The following CNTNAP2 variants were observed in gnomAD, a reference collection of about 807,000 sequenced individuals.
CNTNAP2 encodes contactin-associated protein-like 2.
CNTNAP2 carries 98 observed loss-of-function variants against 155.2 expected under a neutral mutation model. That is an observed-to-expected ratio of 0.63 (90% confidence interval 0.54 to 0.75). CNTNAP2 has a LOEUF of 0.75. CNTNAP2 is among the 30% of genes least tolerant of loss of function. CNTNAP2 has a pLI of 0.00. For synonymous variants in CNTNAP2, 651 were observed against 631.2 expected (o/e 1.03, Z -0.47); for missense variants, 1,727 against 1,688.1 (o/e 1.02, Z -0.40).
chr7:146,600,946 T>C (rs1798941324), intron 1 of CNTNAP2, among the ~76,000 whole-genome samples: 1 of 152,174 alleles, frequency 6.6e-6, no homozygotes, highest in African/African-American at 2.4e-5. Context: ...CAGAATAATC[T>C]GAATAATGAA....
chr7:147,296,223 G>T (rs1335118581), intron 8 of CNTNAP2, among the ~76,000 whole-genome samples: 1 of 152,072 alleles, frequency 6.6e-6, no homozygotes, highest in African/African-American at 2.4e-5. Flanking sequence ...TTCATAGCAG[G>T]GTTTGTCAAA....
intron 8 of CNTNAP2, among the ~76,000 whole-genome samples, chr7:147,147,428 CA>C (rs1397634536): frequency 6.6e-6 from 1 of 152,042 alleles, no homozygotes; most frequent in South Asian, 2.1e-4. Context: ...ACTACTTACA[CA>C]AAAAACCTCT....
rs1011828575 is a variant in CNTNAP2 at position 146,438,655 on chromosome 7, C to G, written c.97+321682C>G. The stretch of plus-strand genomic sequence containing the variant: ...AAGAGTTTCTTTTTAAATAGTTTTC[C>G]AAGTCTTTAATTTAGTTGTTCTTTC... On this transcript the variant is annotated intron_variant, in intron 1 of 23. Transcript: ENST00000361727. Among the ~76,000 whole-genome samples, 56 of 151,074 alleles carry G rather than the reference C, an allele frequency of 3.7e-4. 1 individual carries two copies. Among genetic ancestry groups the G allele is most frequent in the African/African-American group, 1.2e-3 (48 of 40,756 alleles).
intron 22 of CNTNAP2, among the ~76,000 whole-genome samples, chr7:148,403,921 C>T (rs1027645186): frequency 3.9e-5 from 6 of 152,196 alleles, no homozygotes; most frequent in African/African-American, 1.2e-4. Context: ...GATTCCTGAC[C>T]TGAGGATTTT....
chr7:146,295,586 A>G (rs1800501546), intron 1 of CNTNAP2, among the ~76,000 whole-genome samples: 2 of 152,176 alleles, frequency 1.3e-5, no homozygotes, highest in South Asian at 4.1e-4. Context: ...CCATTAAAAT[A>G]TTTTTTCTTG....
chr7:147,724,581 T>A (rs908652773), intron 13 of CNTNAP2, among the ~76,000 whole-genome samples: 39 of 152,022 alleles, frequency 2.6e-4, no homozygotes, highest in African/African-American at 8.7e-4. Context: ...AGAGCTTCAG[T>A]GGGATTGAAA....
chr7:147,926,364 A>G (rs117222078), intron 14 of CNTNAP2, among the ~76,000 whole-genome samples: 241 of 152,358 alleles, frequency 1.6e-3, no homozygotes, highest in Middle Eastern at 3.4e-3. Context: ...TTATAATAGA[A>G]GTATGATGAA....
chr7:146,904,532 C>T (rs576006205), intron 3 of CNTNAP2, among the ~76,000 whole-genome samples: 15 of 152,106 alleles, frequency 9.9e-5, no homozygotes, highest in African/African-American at 2.4e-4. Context: ...AGCACAGTGG[C>T]GCGATCTCGG....
intron 1 of CNTNAP2, among the ~76,000 whole-genome samples, chr7:146,380,432 G>T (rs1414767638): frequency 6.6e-6 from 1 of 151,956 alleles, no homozygotes; most frequent in East Asian, 1.9e-4. Flanking sequence ...AACTGATGTC[G>T]TCTTTTTAGA....
chr7:146,427,352 C>T (rs1259706393), intron 1 of CNTNAP2, among the ~76,000 whole-genome samples: 1 of 152,198 alleles, frequency 6.6e-6, no homozygotes, highest in African/African-American at 2.4e-5. Flanking sequence ...TGTCGCAACT[C>T]AATACCGCCA....
At chr7:147,231,450 A>C in intron 8 of CNTNAP2, among the ~76,000 whole-genome samples, 1 of 152,240 alleles carries the variant, frequency 6.6e-6, no homozygotes. Flanking sequence ...ATATATACCC[A>C]GAAGTGGGAT....
In CNTNAP2 at chr7:146,248,657, G is replaced by A. The variant is rs538863872; in HGVS notation, c.97+131684G>A. Among the ~76,000 whole-genome samples the A allele has an allele frequency of 1.8e-4, 28 of 152,272 alleles. No homozygotes were observed. In the East Asian group the frequency reaches 5.2e-3, roughly 28 times the overall value. On this transcript the variant is annotated intron_variant, in intron 1 of 23. Transcript: ENST00000361727. The stretch of plus-strand genomic sequence containing the variant: ...GGAGGTTGGAGAAGAGAGTAAAAAG[G>A]GGCTGCTTACCGGATTTTAAATTGG...
At chr7:146,187,316 A>G (rs1284076114) in intron 1 of CNTNAP2, among the ~76,000 whole-genome samples, 1 of 152,176 alleles carries the variant, frequency 6.6e-6, no homozygotes, top group East Asian at 1.9e-4. Flanking sequence ...TACATGTGGG[A>G]GGTAGACCAC....
rs184059645 is a variant in CNTNAP2 at position 147,580,638 on chromosome 7, C to T, written c.1897+18381C>T. Among the ~76,000 whole-genome samples the T allele has an allele frequency of 1.8e-4, 26 of 146,944 alleles. No homozygotes were observed. The East Asian group carries it at 3.8e-3, about 22-fold the overall frequency. On this transcript the variant is annotated intron_variant, in intron 12 of 23. Transcript: ENST00000361727. ...ATTATCATTTTTTTTTTTTTTGAGA[C>T]GGAATCTTGCTCTGTTGCCCAGGCT...
intron 13 of CNTNAP2, among the ~76,000 whole-genome samples, chr7:147,902,373 C>A (rs1285965060): frequency 6.6e-6 from 1 of 151,304 alleles, no homozygotes. Context: ...TTAAAAGAGC[C>A]TTTTGAAGTA....
chr7:146,624,937 A>G (rs933065549), intron 1 of CNTNAP2, among the ~76,000 whole-genome samples: 1 of 151,996 alleles, frequency 6.6e-6, no homozygotes, highest in Non-Finnish European at 1.5e-5. Flanking sequence ...TTTCCTCATT[A>G]AATATGTCTT....
chr7:147,183,562 A>AGTGTGTGTGT (rs112187548), intron 8 of CNTNAP2, among the ~76,000 whole-genome samples: 1,615 of 151,356 alleles, frequency 0.011, 29 homozygotes, highest in African/African-American at 0.037. Context: ...TTGTTAAATA[A>AGTGTGTGTGT]GTGTGTGTGT....
intron 3 of CNTNAP2, among the ~76,000 whole-genome samples, chr7:146,867,363 A>G (rs926102010): frequency 5.9e-5 from 9 of 152,144 alleles, no homozygotes; most frequent in Admixed American, 3.3e-4. Flanking sequence ...TTCTTTTTCA[A>G]TGGCTGCATT....
intron 18 of CNTNAP2, among the ~76,000 whole-genome samples, chr7:148,177,448 C>T (rs899369183): frequency 7.2e-5 from 11 of 152,198 alleles, no homozygotes; most frequent in Non-Finnish European, 1.2e-4. Flanking sequence ...CTAGAGTTTT[C>T]GAAGAAGCGT....
Sources: allele counts gnomAD v4.1 joint callset (sites outside exome capture counted in the v4.1 genomes callset), GRCh38; gene constraint gnomAD v4.1.1; transcripts MANE v1.5; gene names NCBI Gene and HGNC (gene_info 2026-07-23, HGNC 2026-07-21).